The following DOCK8 variants were observed in gnomAD, a reference collection of about 807,000 sequenced individuals.
DOCK8 encodes the protein dedicator of cytokinesis protein 8.
DOCK8 carries 141 observed loss-of-function variants against 245.6 expected under a neutral mutation model. The observed-to-expected ratio is 0.57, with a 90% CI of 0.50 to 0.66. The LOEUF (loss-of-function observed/expected upper bound fraction) is 0.66. Ranked by LOEUF, DOCK8 falls within the 30% of genes least tolerant of loss-of-function variation. The pLI, the probability that DOCK8 is intolerant of heterozygous loss-of-function variation, is 0.00. For synonymous variants in DOCK8, 1,168 were observed against 970.2 expected, an observed-to-expected ratio of 1.20 and a Z score of -3.79; for missense variants, 2,965 against 2,603.4, an observed-to-expected ratio of 1.14 and a Z score of -3.02.
chr9:221,900 A>C (rs2046891393), intron 1 of DOCK8, among the ~76,000 whole-genome samples: 1 of 152,084 alleles, frequency 6.6e-6, no homozygotes, highest in Non-Finnish European at 1.5e-5. Context: ...AGGCTGTATA[A>C]AATCCTGTTG....
rs541890055 is a variant in DOCK8, at chr9:444,299, A to G, written c.5580+783A>G. On this transcript the variant is annotated intron_variant, in intron 43 of 47. Coordinates refer to ENST00000432829, the MANE Select transcript of DOCK8 (RefSeq NM_203447.4). ...GCCAGCTACAAATTTGGGAGTTTCT[A>G]TAACCTGTTAGCTTGAAAATAGGAG... Among the ~76,000 whole-genome samples the G allele has an allele frequency of 2.6e-3, 396 of 151,374 alleles. 1 individual carries two copies. Among genetic ancestry groups the G allele is most frequent in the African/African-American group, 8.9e-3 (367 of 41,322 alleles).
chr9:348,763 C>T (rs1332417505), intron 14 of DOCK8, among the ~76,000 whole-genome samples: 4 of 152,154 alleles, frequency 2.6e-5, no homozygotes, highest in Admixed American at 6.5e-5. Flanking sequence ...GTGGCTTCTT[C>T]TCTTCTGACG....
chr9:441,390 G>C lies in DOCK8; in HGVS notation c.5328G>C (p.Gln1776His). 3 of 1,614,200 alleles carry C rather than the reference G, an allele frequency of 1.9e-6. No homozygotes were observed. The highest frequency in any genetic ancestry group is 2.5e-6 in the Non-Finnish European group (3 of 1,180,038). The change falls in exon 41 of 48, where the codon CAG becomes CAC. Residue 1776 changes from glutamine (Q) to histidine (H), a missense_variant. Transcript: ENST00000432829. ...RKLTLTHSKL[Q>H]RAFDSIVNKD... ...TGACACTCACTCACAGCAAGCTGCA[G>C]AGAGCCTTCGACAGCATCGTTAACA...
chr9:457,050 A>AT (rs1324793306), intron 46 of DOCK8: 1 of 152,264 alleles, frequency 6.6e-6, no homozygotes, highest in Non-Finnish European at 1.5e-5. Context: ...GTTGGGGTCT[A>AT]TGAAGAGGAA....
At chr9:220,707 T>C (rs1236696200) in intron 1 of DOCK8, 2 of 411,556 alleles carry the variant, frequency 4.9e-6, no homozygotes, top group Non-Finnish European at 9.4e-6. Context: ...AGCAGTAGTC[T>C]AATTTCTTTC....
In DOCK8 at chr9:372,285, A is replaced by T; in HGVS notation, c.2108A>T (p.Glu703Val). Reference protein sequence around the residue: ...LPPNYSMHSAEKVPLQNPPIK... With the variant: ...LPPNYSMHSAVKVPLQNPPIK... Reference sequence around the variant, plus strand: ...CCCAACTACTCCATGCATTCTGCTGAGGTAATTGGCAAGCTGGCCATCAGC... The same window carrying T: ...CCCAACTACTCCATGCATTCTGCTGTGGTAATTGGCAAGCTGGCCATCAGC... The change falls in exon 18 of 48, where the codon GAG (glutamate) becomes GTG (valine). Residue 703 changes from glutamate to valine, a missense_variant and splice_region_variant. Glu to Val is a moderately radical substitution (Grantham distance 121). Around this residue, in one of 3 missense-constraint regions of DOCK8, gnomAD observed 2,825 missense variants for 2,453.5 expected, o/e 1.15. Transcript: ENST00000432829. 1 of 1,612,840 alleles carries T rather than the reference A, an allele frequency of 6.2e-7. No individual in the cohort carries two copies. The highest frequency in any genetic ancestry group is 8.5e-7 in the Non-Finnish European group (1 of 1,178,980).
intron 1 of DOCK8, among the ~76,000 whole-genome samples, chr9:270,960 C>A (rs2048147815): frequency 6.6e-6 from 1 of 152,164 alleles, no homozygotes; most frequent in Admixed American, 6.5e-5. Flanking sequence ...GTATCACTGG[C>A]CAGCAGTCAC....
intron 2 of DOCK8, among the ~76,000 whole-genome samples, chr9:280,327 G>T (rs532365487): frequency 6.6e-6 from 1 of 152,162 alleles, no homozygotes. Flanking sequence ...GGTTTCTTTA[G>T]CCTAGTGTCT....
chr9:402,274 T>G (rs1459809511), intron 26 of DOCK8, among the ~76,000 whole-genome samples: 1 of 152,232 alleles, frequency 6.6e-6, no homozygotes, highest in Non-Finnish European at 1.5e-5. Context: ...AGTTACCATT[T>G]CTTTTTTTGT....
intron 35 of DOCK8, 134 bp downstream of exon 35, chr9:428,630 C>T (rs2056589995): frequency 2.6e-6 from 3 of 1,159,694 alleles, no homozygotes; most frequent in Non-Finnish European, 3.7e-6. Flanking sequence ...CTTAAGTCTT[C>T]CTAGGAAGAA....
intron 46 of DOCK8, chr9:454,534 ACT>A (rs975370120): frequency 6.6e-6 from 1 of 150,526 alleles, no homozygotes; most frequent in African/African-American, 2.4e-5. Context: ...GGACCACGAG[ACT>A]CTGTCAGGAA....
chr9:424,056 T>A (rs2056386761), intron 33 of DOCK8, among the ~76,000 whole-genome samples: 1 of 91,266 alleles, frequency 1.1e-5, no homozygotes, highest in African/African-American at 3.7e-5. Flanking sequence ...TCTCAGGGGC[T>A]TTGTGCTTTT....
At chr9:316,067 G>T (rs539574322) in intron 6 of DOCK8, among the ~76,000 whole-genome samples, 1 of 152,186 alleles carries the variant, frequency 6.6e-6, no homozygotes, top group Non-Finnish European at 1.5e-5. Context: ...TTGGAGTAAT[G>T]ATGAGCTTAC....
At chr9:297,609 C>G (rs1246063692) in intron 4 of DOCK8, among the ~76,000 whole-genome samples, 1 of 152,212 alleles carries the variant, frequency 6.6e-6, no homozygotes. Flanking sequence ...AGCTGGGACT[C>G]TCTTGTAGCC....
intron 14 of DOCK8, among the ~76,000 whole-genome samples, chr9:355,309 T>C (rs2052383469): frequency 6.6e-6 from 1 of 150,410 alleles, no homozygotes; most frequent in Non-Finnish European, 1.5e-5. Flanking sequence ...GTACAAGCGA[T>C]TCCCCTGCCT....
intron 46 of DOCK8, among the ~76,000 whole-genome samples, chr9:455,736 T>C (rs1247153750): frequency 6.6e-6 from 1 of 151,994 alleles, no homozygotes; most frequent in African/African-American, 2.4e-5. Flanking sequence ...CTTATCATCA[T>C]TTACCACTTT....
In DOCK8 at chr9:271,704, C is replaced by T; in HGVS notation, c.131C>T (p.Thr44Ile). The T allele has an allele frequency of 6.4e-7, 1 of 1,551,612 alleles. No homozygotes were observed. Among genetic ancestry groups the T allele is most frequent in the Non-Finnish European group, 8.7e-7 (1 of 1,146,772 alleles). Residue 44 changes from threonine to isoleucine, a missense_variant, in exon 2 of 48, where the codon ACC becomes ATC. Thr to Ile is a moderately conservative substitution (Grantham distance 89). This residue lies in a region of DOCK8 where 2,825 missense variants were observed against 2,453.5 expected (regional missense o/e 1.15). Transcript: ENST00000432829. The part of the protein sequence containing the change: ...LGQYHRQSIS[T>I]SGFPSLQLPQ... ...CAGTACCATCGACAGAGCATAAGTA[C>T]CTCTGGCTTCCCCTCTCTTCAACTA... is the stretch of plus-strand genomic sequence containing the variant.
chr9:270,596 T>C (rs1218316389), intron 1 of DOCK8, among the ~76,000 whole-genome samples: 1 of 152,208 alleles, frequency 6.6e-6, no homozygotes, highest in Non-Finnish European at 1.5e-5. Context: ...AGTTAATAAG[T>C]ATGCCCTAGC....
chr9:279,916 A>T (rs2048507416), intron 2 of DOCK8, among the ~76,000 whole-genome samples: 1 of 152,224 alleles, frequency 6.6e-6, no homozygotes, highest in South Asian at 2.1e-4. Context: ...GGGGCAAGTC[A>T]TTTAACCTCT....
Sources: gnomAD v4.1 joint callset for allele counts (sites outside exome capture counted in the v4.1 genomes callset) on GRCh38, gnomAD v4.1.1 for gene constraint, gnomAD v4.1.1 regional missense constraint, MANE v1.5 for transcripts, NCBI Gene and HGNC (gene_info 2026-07-23, HGNC 2026-07-21) for gene names.